BCKDHB: variants seen among roughly 807,000 people sequenced by gnomAD.
BCKDHB encodes the protein branched chain keto acid dehydrogenase E1 subunit beta, also known as 2-oxoisovalerate dehydrogenase subunit beta, mitochondrial.
BCKDHB carries 41 observed loss-of-function variants against 48.5 expected under a neutral mutation model. The ratio of observed to expected loss-of-function variants is 0.85; its 90% CI spans 0.66 to 1.10. BCKDHB has a LOEUF of 1.10. Among genes scored for constraint, BCKDHB ranks in the 50% least tolerant of loss-of-function variants. The pLI, the probability that BCKDHB is intolerant of heterozygous loss-of-function variation, is 0.00. For synonymous variants in BCKDHB, 201 were observed against 174.8 expected, an observed-to-expected ratio of 1.15 and a Z score of -1.18; for missense variants, 496 against 494.2, an observed-to-expected ratio of 1.00 and a Z score of -0.03.
chr6:80,336,496 C>CA (rs1769599756), intron 9 of BCKDHB, among the ~76,000 whole-genome samples: 4 of 142,498 alleles, frequency 2.8e-5, no homozygotes, highest in African/African-American at 7.7e-5. Context: ...CAAAAAAAAC[C>CA]AAAAAAACAA....
intron 1 of BCKDHB, among the ~76,000 whole-genome samples, chr6:80,113,062 C>T (rs1206129434): frequency 6.6e-6 from 1 of 152,202 alleles, no homozygotes; most frequent in Non-Finnish European, 1.5e-5. Flanking sequence ...TCCTAAGAGA[C>T]ATCATTGTTT....
intron 8 of BCKDHB, among the ~76,000 whole-genome samples, chr6:80,217,668 T>A (rs1278752387): frequency 6.6e-6 from 1 of 152,230 alleles, no homozygotes; most frequent in African/African-American, 2.4e-5. Flanking sequence ...CATTTCTGTA[T>A]TTTATTCTTC....
At chr6:80,115,783 C>G (rs1447090730) in intron 1 of BCKDHB, among the ~76,000 whole-genome samples, 1 of 151,970 alleles carries the variant, frequency 6.6e-6, no homozygotes, top group Admixed American at 6.6e-5. Context: ...ACTACAGGCG[C>G]CTGCCACCAC....
chr6:80,211,385 A>G (rs915217793), intron 8 of BCKDHB, among the ~76,000 whole-genome samples: 5 of 152,144 alleles, frequency 3.3e-5, no homozygotes, highest in South Asian at 2.1e-4. Context: ...CCTACATAAT[A>G]TGTCCAAAAT....
chr6:80,158,425 G>T (rs1772156432), intron 3 of BCKDHB, among the ~76,000 whole-genome samples: 1 of 152,150 alleles, frequency 6.6e-6, no homozygotes, highest in South Asian at 2.1e-4. Flanking sequence ...CTTCTTGGAG[G>T]TAACAATTTG....
At chr6:80,228,129 A>G (rs1378615620) in intron 8 of BCKDHB, among the ~76,000 whole-genome samples, 3 of 152,210 alleles carry the variant, frequency 2.0e-5, no homozygotes, top group Non-Finnish European at 4.4e-5. Flanking sequence ...TCCCACAGGA[A>G]AATTTGGGAA....
chr6:80,306,601 G>T (rs916034165), intron 9 of BCKDHB, among the ~76,000 whole-genome samples: 1 of 152,200 alleles, frequency 6.6e-6, no homozygotes, highest in Non-Finnish European at 1.5e-5. Flanking sequence ...GCAAGGTGTG[G>T]CAACAGTGTG....
chr6:80,423,812 A>T, the BCKDHB span, among the ~76,000 whole-genome samples: 1 of 152,198 alleles, frequency 6.6e-6, no homozygotes, highest in East Asian at 1.9e-4. Flanking sequence ...CTCTTTATGT[A>T]TGGGTACTGC....
At chr6:80,305,719 G>A (rs1023903000) in intron 9 of BCKDHB, among the ~76,000 whole-genome samples, 3 of 152,146 alleles carry the variant, frequency 2.0e-5, no homozygotes, top group Non-Finnish European at 2.9e-5. Flanking sequence ...ACTTGTCTCT[G>A]TCCCTTAAGA....
the BCKDHB span, among the ~76,000 whole-genome samples, chr6:80,443,728 T>G: frequency 2.0e-5 from 3 of 152,138 alleles, no homozygotes; most frequent in Non-Finnish European, 4.4e-5. Flanking sequence ...CAGGCTAGTT[T>G]CAAACTCCCG....
At chr6:80,366,431 A>G in the BCKDHB span, among the ~76,000 whole-genome samples, 8 of 152,226 alleles carry the variant, frequency 5.3e-5, no homozygotes, top group African/African-American at 1.9e-4. Context: ...CATAGTCAGC[A>G]ACATTTCTCT....
chr6:80,153,004 C>A (rs933882681), intron 3 of BCKDHB, among the ~76,000 whole-genome samples: 2 of 152,126 alleles, frequency 1.3e-5, no homozygotes, highest in Non-Finnish European at 1.5e-5. Flanking sequence ...GGGCTTTGGG[C>A]CCCCTTGGTT....
chr6:80,227,978 A>G (rs1203770728), intron 8 of BCKDHB, among the ~76,000 whole-genome samples: 1 of 152,212 alleles, frequency 6.6e-6, no homozygotes, highest in African/African-American at 2.4e-5. Flanking sequence ...TGTGGTGATT[A>G]GGCTTTTCAG....
chr6:80,257,458 ATATT>A (rs1777101614), intron 8 of BCKDHB, among the ~76,000 whole-genome samples: 1 of 149,812 alleles, frequency 6.7e-6, no homozygotes, highest in East Asian at 1.9e-4. Flanking sequence ...ATATGAATAT[ATATT>A]CTAATAAATA....
intron 3 of BCKDHB, among the ~76,000 whole-genome samples, chr6:80,138,920 C>T (rs1771037624): frequency 6.6e-6 from 1 of 152,222 alleles, no homozygotes; most frequent in South Asian, 2.1e-4. Context: ...GTCCCAGCAA[C>T]AGTGTAAAAG....
chr6:80,318,725 A>T (rs2128000478), intron 9 of BCKDHB, among the ~76,000 whole-genome samples: 3 of 151,746 alleles, frequency 2.0e-5, no homozygotes, highest in Admixed American at 2.0e-4. Flanking sequence ...TAGAAAAAAA[A>T]ATTGTACTGA....
rs896179390 is a variant in BCKDHB, at chr6:80,201,665, A to G, written c.840+634A>G. On this transcript the variant is annotated intron_variant, in intron 7 of 9. Transcript: ENST00000320393. ...TCCACTGGTCAAGCCTCAAAATTCC[A>G]TATCTTCCTTTTTTTCCAGTGACCC... 5.9e-5 allele frequency among the ~76,000 whole-genome samples: 9 copies of G among 151,918 alleles called. No homozygotes were observed. In the East Asian group the frequency reaches 1.4e-3, roughly 23 times the overall value.
At chr6:80,175,275 C>T (rs190795671) in intron 6 of BCKDHB, among the ~76,000 whole-genome samples, 12 of 152,298 alleles carry the variant, frequency 7.9e-5, no homozygotes, top group African/African-American at 2.2e-4. Context: ...CATTAAATTT[C>T]GCTTCCCACG....
intron 5 of BCKDHB, among the ~76,000 whole-genome samples, chr6:80,169,309 TG>T (rs1772772368): frequency 6.6e-6 from 1 of 152,222 alleles, no homozygotes; most frequent in African/African-American, 2.4e-5. Flanking sequence ...AGAACATAGT[TG>T]GTTTACCTCC....
Sources: gnomAD v4.1 joint callset for allele counts (sites outside exome capture counted in the v4.1 genomes callset) on GRCh38, gnomAD v4.1.1 for gene constraint, MANE v1.5 for transcripts, NCBI Gene and HGNC (gene_info 2026-07-23, HGNC 2026-07-21) for gene names.